MGAT4C: variants seen among roughly 807,000 people sequenced by gnomAD.
The protein encoded by MGAT4C is alpha-1,3-mannosyl-glycoprotein 4-beta-N-acetylglucosaminyltransferase C.
A neutral mutation model predicts 40.1 loss-of-function variants in MGAT4C; 19 were observed. That is an observed-to-expected ratio of 0.47 (90% CI 0.33 to 0.70). The LOEUF (loss-of-function observed/expected upper bound fraction) is 0.70. Ranked by LOEUF, MGAT4C falls within the 30% of genes least tolerant of loss-of-function variation. MGAT4C has a pLI of 0.02. For synonymous variants in MGAT4C, 181 were observed against 187.1 expected (o/e 0.97, Z 0.27); for missense variants, 491 against 563.2 (o/e 0.87, Z 1.30).
At chr12:86,670,030 A>C (rs79065777) in intron 2 of MGAT4C, among the ~76,000 whole-genome samples, 1,601 of 151,158 alleles carry the variant, frequency 0.011, 15 homozygotes, top group East Asian at 0.037. Flanking sequence ...AAAATCAATA[A>C]AATTATTGGG....
chr12:86,755,140 T>A (rs564471379), intron 1 of MGAT4C, among the ~76,000 whole-genome samples: 1 of 152,266 alleles, frequency 6.6e-6, no homozygotes, highest in South Asian at 2.1e-4. Flanking sequence ...TTACTTTCAA[T>A]AATGTGGATG....
rs889858003 is a variant in MGAT4C at position 86,134,579 on chromosome 12, C to T, written c.-56-84856G>A. 7.2e-5 allele frequency among the ~76,000 whole-genome samples: 11 copies of T among 152,092 alleles called. No homozygotes were observed. In the East Asian group the frequency reaches 9.7e-4, roughly 13 times the overall value. Reference sequence around the variant, plus strand: ...TTTCTATTTTTTTTCCTTTGTCACCCTCACTAATGAAACCAGTAATAGTCC... The same window carrying T: ...TTTCTATTTTTTTTCCTTTGTCACCTTCACTAATGAAACCAGTAATAGTCC... On this transcript the variant is annotated intron_variant, in intron 1 of 4. Transcript: ENST00000611864.
Position 86,768,627 on chromosome 12 carries a change from G to T in MGAT4C, c.-261-41386C>A, listed in dbSNP as rs1001775896. Among the ~76,000 whole-genome samples, 4 of 151,568 alleles carry T rather than the reference G, an allele frequency of 2.6e-5. No individual in the cohort carries two copies. The South Asian group carries it at 6.2e-4, about 24-fold the overall frequency. On this transcript the variant is annotated intron_variant, in intron 1 of 7. Coordinates refer to the MGAT4C transcript ENST00000548651. Reference sequence around the variant, plus strand: ...ACCTGACTTCAAACTATACTACAAGGCTACAGTAACCAAAACAGCATGGTA... The same window carrying T: ...ACCTGACTTCAAACTATACTACAAGTCTACAGTAACCAAAACAGCATGGTA...
chr12:86,444,928 A>G (rs1394691459), intron 2 of MGAT4C, among the ~76,000 whole-genome samples: 3 of 152,226 alleles, frequency 2.0e-5, no homozygotes. Flanking sequence ...TAAACAAAAA[A>G]GTACATACTA....
At chr12:86,074,110 T>C (rs944652265) in intron 1 of MGAT4C, among the ~76,000 whole-genome samples, 3 of 152,098 alleles carry the variant, frequency 2.0e-5, no homozygotes, top group African/African-American at 7.2e-5. Context: ...CTGATATGTT[T>C]ATCAGGGGTT....
At chr12:86,055,499 A>C (rs1173034073) in intron 1 of MGAT4C, among the ~76,000 whole-genome samples, 2 of 152,050 alleles carry the variant, frequency 1.3e-5, no homozygotes, top group African/African-American at 2.4e-5. Context: ...TAAATCATAT[A>C]AGTGATGTTG....
intron 4 of MGAT4C, among the ~76,000 whole-genome samples, chr12:86,307,808 T>C (rs1953976446): frequency 6.7e-6 from 1 of 150,108 alleles, no homozygotes; most frequent in Non-Finnish European, 1.5e-5. Flanking sequence ...GTTCACGCCA[T>C]TCTCCTGCCT....
Position 86,093,121 on chromosome 12 carries a change from C to A in MGAT4C, c.-56-43398G>T, listed in dbSNP as rs1873185867. The stretch of plus-strand genomic sequence containing the variant: ...CTCTATTCATACTTTTATCTATCTA[C>A]CATATAATGTCAGAAAGAAATGAAT... On this transcript the variant is annotated intron_variant, in intron 1 of 4. Coordinates refer to ENST00000611864, the MANE Select transcript of MGAT4C (RefSeq NM_001351288.2). 2.0e-5 allele frequency among the ~76,000 whole-genome samples: 3 copies of A among 152,072 alleles called. No individual in the cohort carries two copies. The South Asian group carries it at 6.2e-4, about 31-fold the overall frequency.
At chr12:86,308,038 A>G (rs1306184525) in intron 4 of MGAT4C, among the ~76,000 whole-genome samples, 1 of 150,268 alleles carries the variant, frequency 6.7e-6, no homozygotes, top group Non-Finnish European at 1.5e-5. Context: ...TTTTTGTACA[A>G]TTTTTATATT....
chr12:86,515,738 C>CTT lies in MGAT4C; in HGVS notation c.-228-80475_-228-80474dup, dbSNP rs940550644. ...ATTGTTATAAACATTTAAAGCAATT[C>CTT]TTTTTTTTTTTTTTTTTTGAGACGG... On this transcript the variant is annotated intron_variant, in intron 2 of 7. Transcript: ENST00000548651. Among the ~76,000 whole-genome samples, 530 of 133,438 alleles carry CTT rather than the reference C, an allele frequency of 4.0e-3. 5 individuals are homozygous for CTT. The highest frequency in any genetic ancestry group is 0.013 in the African/African-American group (453 of 35,928). 87.5% of individuals were successfully genotyped at this position (133,438 alleles called of 152,430 possible).
intron 1 of MGAT4C, among the ~76,000 whole-genome samples, chr12:86,816,530 T>C (rs1433421447): frequency 6.6e-6 from 1 of 151,764 alleles, no homozygotes. Flanking sequence ...AGCTTTAATA[T>C]GAAGGTTACG....
chr12:85,997,182 A>C (rs1277472533), intron 2 of MGAT4C, among the ~76,000 whole-genome samples: 1 of 152,126 alleles, frequency 6.6e-6, no homozygotes, highest in South Asian at 2.1e-4. Flanking sequence ...TTGCAGGGGA[A>C]CTCCTCTTTA....
chr12:86,018,571 A>G (rs1358516669), intron 2 of MGAT4C, among the ~76,000 whole-genome samples: 3 of 152,174 alleles, frequency 2.0e-5, no homozygotes. Flanking sequence ...ACATAGCAAA[A>G]TCTTCAGAAA....
At chr12:86,582,419 G>A (rs2136435351) in intron 2 of MGAT4C, among the ~76,000 whole-genome samples, 1 of 151,398 alleles carries the variant, frequency 6.6e-6, no homozygotes, top group South Asian at 2.1e-4. Flanking sequence ...GAAGAACAAA[G>A]CTGTTTAGAG....
chr12:86,091,440 C>T (rs1872861977), intron 1 of MGAT4C, among the ~76,000 whole-genome samples: 1 of 151,780 alleles, frequency 6.6e-6, no homozygotes, highest in Non-Finnish European at 1.5e-5. Context: ...TATCACTAGC[C>T]AAATACAAAA....
chr12:86,343,689 G>T (rs1954950874), intron 3 of MGAT4C, among the ~76,000 whole-genome samples: 1 of 152,088 alleles, frequency 6.6e-6, no homozygotes, highest in Admixed American at 6.6e-5. Context: ...ATTACACTGT[G>T]TACACTTTCA....
At chr12:86,441,340 A>T (rs1426205560) in intron 2 of MGAT4C, among the ~76,000 whole-genome samples, 6 of 150,992 alleles carry the variant, frequency 4.0e-5, no homozygotes, top group Non-Finnish European at 8.9e-5. Context: ...TTTTATTATT[A>T]TTTTTATTAT....
chr12:86,358,719 A>G (rs1342784125), intron 3 of MGAT4C, among the ~76,000 whole-genome samples: 2 of 152,220 alleles, frequency 1.3e-5, no homozygotes, highest in African/African-American at 4.8e-5. Context: ...AAAGACCAAA[A>G]GAGACAAAGA....
intron 1 of MGAT4C, among the ~76,000 whole-genome samples, chr12:86,765,387 T>A (rs1448739428): frequency 6.6e-6 from 1 of 152,202 alleles, no homozygotes; most frequent in Non-Finnish European, 1.5e-5. Context: ...AATCTACGTC[T>A]GATTTGTGTA....
Sources: allele counts gnomAD v4.1 joint callset (sites outside exome capture counted in the v4.1 genomes callset), GRCh38; gene constraint gnomAD v4.1.1; transcripts MANE v1.5; gene names NCBI Gene and HGNC (gene_info 2026-07-23, HGNC 2026-07-21).